Variants in CTNNA3 observed in about 807,000 individuals in gnomAD.
CTNNA3 encodes the protein catenin alpha-3.
Under a neutral mutation model 95.7 loss-of-function variants are expected in CTNNA3, and 76 were observed. The ratio of observed to expected loss-of-function variants is 0.79; its 90% CI spans 0.66 to 0.96. The LOEUF (loss-of-function observed/expected upper bound fraction) is 0.96. Ranked by LOEUF, CTNNA3 falls within the 40% of genes least tolerant of loss-of-function variation. The pLI is 0.00. For synonymous variants in CTNNA3, 431 were observed against 374.4 expected (o/e 1.15, Z -1.74); for missense variants, 1,191 against 1,089.8 (o/e 1.09, Z -1.31).
chr10:65,958,767 G>A (rs1455490143), intron 17 of CTNNA3, among the ~76,000 whole-genome samples: 2 of 152,154 alleles, frequency 1.3e-5, no homozygotes, highest in Non-Finnish European at 2.9e-5. Flanking sequence ...TTGTCTCAGA[G>A]GGGCAACCAG....
intron 7 of CTNNA3, among the ~76,000 whole-genome samples, chr10:66,815,262 T>C (rs1326129931): frequency 1.3e-5 from 2 of 152,092 alleles, no homozygotes; most frequent in Non-Finnish European, 2.9e-5. Flanking sequence ...AGAAAAACGG[T>C]TGAATTTCAG....
intron 6 of CTNNA3, among the ~76,000 whole-genome samples, chr10:67,203,376 C>A (rs1194242147): frequency 6.6e-6 from 1 of 152,162 alleles, no homozygotes; most frequent in Non-Finnish European, 1.5e-5. Context: ...GATTGTGAGG[C>A]CTCCCTAGCC....
chr10:67,507,892 G>A (rs947614932), intron 5 of CTNNA3, among the ~76,000 whole-genome samples: 2 of 152,152 alleles, frequency 1.3e-5, no homozygotes, highest in Non-Finnish European at 2.9e-5. Context: ...ACAGAATGGA[G>A]AACAAAAATC....
At chr10:66,116,710 A>G (rs887161872) in intron 13 of CTNNA3, among the ~76,000 whole-genome samples, 3 of 152,162 alleles carry the variant, frequency 2.0e-5, no homozygotes, top group Non-Finnish European at 2.9e-5. Context: ...AAGATGTTTA[A>G]TCGACTCACA....
chr10:66,707,953 A>G (rs1049299130), intron 9 of CTNNA3, among the ~76,000 whole-genome samples: 1 of 152,168 alleles, frequency 6.6e-6, no homozygotes, highest in African/African-American at 2.4e-5. Flanking sequence ...GCATTCAGTC[A>G]TAATTGGTAG....
intron 5 of CTNNA3, among the ~76,000 whole-genome samples, chr10:67,386,578 C>G (rs527321252): frequency 6.6e-6 from 1 of 152,114 alleles, no homozygotes; most frequent in Admixed American, 6.5e-5. Flanking sequence ...GACAATAGAT[C>G]CTAGGGGGAA....
chr10:66,706,765 G>C (rs1242806548), intron 9 of CTNNA3, among the ~76,000 whole-genome samples: 1 of 151,998 alleles, frequency 6.6e-6, no homozygotes, highest in Non-Finnish European at 1.5e-5. Flanking sequence ...ATATGAAAAG[G>C]GGGAGGGGGT....
intron 9 of CTNNA3, among the ~76,000 whole-genome samples, chr10:66,706,104 T>A (rs544435492): frequency 2.6e-5 from 4 of 152,162 alleles, no homozygotes; most frequent in South Asian, 4.2e-4. Flanking sequence ...AGAACAGTAT[T>A]TCATACATCA....
At chr10:67,569,857 C>T (rs2133286305) in intron 3 of CTNNA3, among the ~76,000 whole-genome samples, 1 of 152,214 alleles carries the variant, frequency 6.6e-6, no homozygotes, top group East Asian at 1.9e-4. Context: ...TCTTTCCAAT[C>T]ATTATCTGGA....
At chr10:67,078,782 C>T (rs1372264923) in intron 7 of CTNNA3, among the ~76,000 whole-genome samples, 1 of 152,158 alleles carries the variant, frequency 6.6e-6, no homozygotes, top group Admixed American at 6.5e-5. Flanking sequence ...CCCCAACGTG[C>T]TGAGATTACA....
intron 12 of CTNNA3, among the ~76,000 whole-genome samples, chr10:66,290,713 T>C (rs375192586): frequency 6.6e-6 from 1 of 152,078 alleles, no homozygotes; most frequent in Admixed American, 6.6e-5. Context: ...CATACAGAAA[T>C]AGGTCTTGAT....
chr10:66,105,571 T>G (rs1404179851), intron 13 of CTNNA3, among the ~76,000 whole-genome samples: 1 of 152,186 alleles, frequency 6.6e-6, no homozygotes, highest in Non-Finnish European at 1.5e-5. Flanking sequence ...AGTAACAAAC[T>G]AAGAACAATT....
At chr10:67,192,339 T>G (rs1353541021) in intron 6 of CTNNA3, among the ~76,000 whole-genome samples, 2 of 151,848 alleles carry the variant, frequency 1.3e-5, no homozygotes, top group African/African-American at 4.8e-5. Context: ...GAGAAAATAT[T>G]TGTAGACCAT....
rs2093330671 is a variant in CTNNA3, at chr10:66,435,511, G to T, written c.1532-56159C>A. Among the ~76,000 whole-genome samples the T allele has an allele frequency of 2.0e-5, 3 of 152,010 alleles. No homozygotes were observed. The South Asian group carries it at 6.2e-4, about 31-fold the overall frequency. The stretch of plus-strand genomic sequence containing the variant: ...CTGATGGTAGTTTGTATTTCTGTGG[G>T]ATCAGTGGTGATATCCCCTTTATCA... On this transcript the variant is annotated intron_variant, in intron 11 of 17. Transcript: ENST00000433211.
intron 3 of CTNNA3, among the ~76,000 whole-genome samples, chr10:67,563,453 A>C (rs1841618648): frequency 6.6e-6 from 1 of 152,206 alleles, no homozygotes; most frequent in Admixed American, 6.5e-5. Flanking sequence ...AGAAAGCTAA[A>C]ACTGAATCCC....
chr10:66,179,009 C>G (rs1370118621), intron 13 of CTNNA3, among the ~76,000 whole-genome samples: 1 of 151,936 alleles, frequency 6.6e-6, no homozygotes, highest in Non-Finnish European at 1.5e-5. Flanking sequence ...ATTACAAAAA[C>G]TAACCATGCA....
chr10:66,591,863 T>A (rs966650413), intron 10 of CTNNA3, among the ~76,000 whole-genome samples: 1 of 152,120 alleles, frequency 6.6e-6, no homozygotes, highest in Non-Finnish European at 1.5e-5. Context: ...TTTCTTGATC[T>A]GAACACTATA....
At chr10:67,363,723 G>A (rs996573888) in intron 5 of CTNNA3, among the ~76,000 whole-genome samples, 4 of 152,080 alleles carry the variant, frequency 2.6e-5, no homozygotes, top group Admixed American at 6.5e-5. Context: ...AGAAAATCTA[G>A]AAAAAATGGA....
intron 13 of CTNNA3, among the ~76,000 whole-genome samples, chr10:66,211,799 A>G (rs2088174477): frequency 2.0e-5 from 3 of 152,108 alleles, no homozygotes; most frequent in Admixed American, 1.3e-4. Context: ...AGCCAATTCC[A>G]CAACAGAGTT....
Sources: gnomAD v4.1 joint callset for allele counts (sites outside exome capture counted in the v4.1 genomes callset) on GRCh38, gnomAD v4.1.1 for gene constraint, MANE v1.5 for transcripts, NCBI Gene and HGNC (gene_info 2026-07-23, HGNC 2026-07-21) for gene names.